The following CELF2 variants were observed in gnomAD, a reference collection of about 807,000 sequenced individuals.
The protein encoded by CELF2 is CUGBP Elav-like family member 2.
In CELF2, 8 loss-of-function variants were observed where a neutral mutation model predicts 62.6. That is an observed-to-expected ratio of 0.13 (90% confidence interval 0.07 to 0.23). CELF2 has a LOEUF of 0.23. Among genes scored for constraint, CELF2 ranks in the 10% least tolerant of loss-of-function variants. The pLI is 1.00. For missense variants in CELF2, 333 were observed against 671.0 expected, an observed-to-expected ratio of 0.50 and a Z score of 5.56; for synonymous variants, 258 against 250.0, an observed-to-expected ratio of 1.03 and a Z score of -0.30.
At chr10:10,671,302 T>A in the CELF2 span, among the ~76,000 whole-genome samples, 1 of 151,736 alleles carries the variant, frequency 6.6e-6, no homozygotes, top group African/African-American at 2.4e-5. Context: ...TCCTTCTAAA[T>A]AATTGTCTGG....
chr10:11,226,608 ACACACACAC>A lies in CELF2; in HGVS notation c.354+9102_354+9110del, dbSNP rs2066669390. Among the ~76,000 whole-genome samples, 250 of 147,514 alleles carry A rather than the reference ACACACACAC, an allele frequency of 1.7e-3. 2 individuals are homozygous for A. The highest frequency in any genetic ancestry group is 2.4e-3 in the East Asian group (12 of 5,070). On this transcript the variant is annotated intron_variant, in intron 3 of 12. Coordinates refer to ENST00000633077, the MANE Select transcript of CELF2 (RefSeq NM_001326342.2). ...AGCTGGGCAGGCAGTGGCCACACAC[ACACACACAC>A]ACACACACACACACACACACACACA...
chr10:10,481,243 G>C, the CELF2 span, among the ~76,000 whole-genome samples: 2 of 152,072 alleles, frequency 1.3e-5, no homozygotes, highest in African/African-American at 4.8e-5. Context: ...CTTTCTGTGT[G>C]CCATTTATTC....
chr10:11,249,082 T>C lies in CELF2; in HGVS notation c.355-71T>C, dbSNP rs1201740777. ...CTTAAAACAGTATCAGTAATCGAAT[T>C]GCTGCAGATTTCTGAGATGATTTTT... On this transcript the variant is annotated intron_variant, in intron 3 of 12. Transcript: ENST00000633077. 1.1e-5 allele frequency: 13 copies of C among 1,212,846 alleles called. No individual in the cohort carries two copies. The Admixed American group carries it at 2.2e-4, about 20-fold the overall frequency. The allele number at this position is 1,212,846 out of a possible 1,614,324, so 75.1% of individuals were successfully genotyped here. A position where few individuals can be genotyped will look rare whatever the true frequency, so the allele number is the denominator to read the frequency against.
intron 2 of CELF2, among the ~76,000 whole-genome samples, chr10:10,969,925 T>C (rs1213269976): frequency 2.0e-5 from 3 of 152,162 alleles, no homozygotes; most frequent in Non-Finnish European, 4.4e-5. Flanking sequence ...AAACACTTAA[T>C]TTGGGATGGG....
chr10:11,202,239 G>A lies in CELF2; in HGVS notation c.272-15186G>A, dbSNP rs140444062. 2.8e-3 allele frequency among the ~76,000 whole-genome samples: 423 copies of A among 152,236 alleles called. 2 individuals are homozygous for A. Among genetic ancestry groups the A allele is most frequent in the African/African-American group, 9.4e-3 (392 of 41,518 alleles). On this transcript the variant is annotated intron_variant, in intron 2 of 12. Coordinates refer to ENST00000633077, the MANE Select transcript of CELF2 (RefSeq NM_001326342.2). ...AAGATTGACTAGTAATGAAATCTTC[G>A]GGGCATTTTTTTCACCTCCTGTCAT... is the stretch of plus-strand genomic sequence containing the variant.
intron 1 of CELF2, among the ~76,000 whole-genome samples, chr10:11,119,054 C>T (rs958795189): frequency 5.3e-5 from 8 of 152,156 alleles, no homozygotes; most frequent in African/African-American, 1.9e-4. Context: ...ATCCAGTTGA[C>T]CAGCTACATG....
At chr10:10,994,412 T>C (rs1398468030) in intron 2 of CELF2, among the ~76,000 whole-genome samples, 5 of 152,226 alleles carry the variant, frequency 3.3e-5, no homozygotes, top group Non-Finnish European at 5.9e-5. Context: ...TTGTTTACTA[T>C]GTTGAATGCA....
intron 4 of CELF2, 33 bp from the exon 5 acceptor site, chr10:11,257,705 G>A (rs976196837): frequency 3.9e-5 from 62 of 1,607,270 alleles, no homozygotes; most frequent in Non-Finnish European, 5.1e-5. Context: ...AAGATGAAAT[G>A]GCCTTTGCTC....
chr10:10,697,653 A>G, the CELF2 span, among the ~76,000 whole-genome samples: 33,696 of 152,078 alleles, frequency 0.22, 3,972 homozygotes, highest in South Asian at 0.43. Context: ...GCATCCTCAC[A>G]TGGCAAAAGG....
At chr10:10,671,202 C>T in the CELF2 span, among the ~76,000 whole-genome samples, 3 of 127,048 alleles carry the variant, frequency 2.4e-5, no homozygotes, top group Non-Finnish European at 4.9e-5. Flanking sequence ...AATTATCTGT[C>T]TCAAAAAAAA....
the CELF2 span, among the ~76,000 whole-genome samples, chr10:10,652,610 T>G: frequency 6.6e-6 from 1 of 150,966 alleles, no homozygotes; most frequent in Admixed American, 6.6e-5. Context: ...GAATTTCATA[T>G]CCAGCCAAAC....
the CELF2 span, among the ~76,000 whole-genome samples, chr10:10,717,781 T>C: frequency 7.3e-4 from 111 of 152,268 alleles, no homozygotes; most frequent in East Asian, 0.017. Flanking sequence ...TCCAGAAAAA[T>C]GTATTCTGCC....
the CELF2 span, among the ~76,000 whole-genome samples, chr10:10,486,565 A>T: frequency 6.6e-6 from 1 of 152,058 alleles, no homozygotes; most frequent in Non-Finnish European, 1.5e-5. Flanking sequence ...GCCTTTTATT[A>T]TGGGGAGAGT....
At chr10:11,125,381 G>T (rs2058503028) in intron 1 of CELF2, among the ~76,000 whole-genome samples, 1 of 151,920 alleles carries the variant, frequency 6.6e-6, no homozygotes. Context: ...GTGGCCATAG[G>T]GTGAAAGCCC....
chr10:11,053,613 T>C lies in CELF2; in HGVS notation c.74+35450T>C, dbSNP rs539809214. Among the ~76,000 whole-genome samples, 53 of 115,910 alleles carry C rather than the reference T, an allele frequency of 4.6e-4. No individual in the cohort carries two copies. The South Asian group carries it at 0.014, about 30-fold the overall frequency. The allele number at this position is 115,910 out of a possible 152,430, so 76.0% of individuals were successfully genotyped here. On this transcript the variant is annotated intron_variant, in intron 1 of 12. Transcript: ENST00000633077. ...ATTCGTAGGCATACTCTGATATTTC[T>C]TTTTTTTTTTTTTTTTTTTGAGACA...
At chr10:10,675,509 T>A in the CELF2 span, among the ~76,000 whole-genome samples, 1 of 152,144 alleles carries the variant, frequency 6.6e-6, no homozygotes, top group African/African-American at 2.4e-5. Flanking sequence ...GATCTGTGGT[T>A]TGGTGTCTGA....
chr10:11,013,157 C>A, upstream of CELF2, among the ~76,000 whole-genome samples: 1 of 152,170 alleles, frequency 6.6e-6, no homozygotes, highest in East Asian at 1.9e-4. The surrounding 1 kb of genome is among the most constrained non-coding windows in gnomAD (Gnocchi z 4.1). Context: ...ACCCACGGCT[C>A]CTTTCTTCAC....
intron 9 of CELF2, among the ~76,000 whole-genome samples, chr10:11,313,226 T>A (rs1427415398): frequency 1.3e-5 from 2 of 152,214 alleles, no homozygotes; most frequent in East Asian, 3.8e-4. Context: ...CACCAGAAGA[T>A]AGGATAATTT....
Position 11,243,710 on chromosome 10 carries a change from A to T in CELF2, c.355-5443A>T, listed in dbSNP as rs886319217. ...TTTGTAAAATTCTTAGACTCGTCGA[A>T]CAGCATAGACAGATCATGACAGCAC... On this transcript the variant is annotated intron_variant, in intron 3 of 12. Transcript: ENST00000633077. The surrounding 1 kb of genome is among the most constrained non-coding windows in gnomAD (Gnocchi z 4.1). Among the ~76,000 whole-genome samples the T allele has an allele frequency of 6.6e-6, 1 of 152,236 alleles. No homozygotes were observed. Among genetic ancestry groups the T allele is most frequent in the African/African-American group, 2.4e-5 (1 of 41,468 alleles).
Sources: allele counts gnomAD v4.1 joint callset (sites outside exome capture counted in the v4.1 genomes callset), GRCh38; gene constraint gnomAD v4.1.1; non-coding constraint Gnocchi (gnomAD v3.1); transcripts MANE v1.5; gene names NCBI Gene and HGNC (gene_info 2026-07-23, HGNC 2026-07-21).